Variants in ARRDC5 observed in about 807,000 individuals in gnomAD.
The protein encoded by ARRDC5 is arrestin domain containing 5, also known as arrestin domain-containing protein 5.
ARRDC5 carries 12 observed loss-of-function variants against 13.3 expected under a neutral mutation model. The ratio of observed to expected loss-of-function variants is 0.90; its 90% CI spans 0.58 to 1.46. The LOEUF (loss-of-function observed/expected upper bound fraction) is 1.46, where lower values mean the gene tolerates loss of function less well. Among genes scored for constraint, ARRDC5 ranks in the 40% most tolerant of loss-of-function variants. The pLI is 0.00. For missense variants in ARRDC5, 406 were observed against 418.7 expected, an observed-to-expected ratio of 0.97 and a Z score of 0.26; for synonymous variants, 181 against 173.4, an observed-to-expected ratio of 1.04 and a Z score of -0.34.
the ARRDC5 span, chr19:4,911,130 C>G: frequency 2.4e-6 from 3 of 1,238,560 alleles, 1 homozygote; most frequent in African/African-American, 3.1e-5. Context: ...CCCACCTCCC[C>G]CCCCAACAAC....
chr19:4,904,902 T>G (rs183429752), upstream of ARRDC5, among the ~76,000 whole-genome samples: 688 of 152,254 alleles, frequency 4.5e-3, 5 homozygotes, highest in Middle Eastern at 0.01. Context: ...GGGAGGGACA[T>G]TGAATCATAG....
At chr19:4,914,486 G>T in the ARRDC5 span, among the ~76,000 whole-genome samples, 1 of 152,202 alleles carries the variant, frequency 6.6e-6, no homozygotes, top group Non-Finnish European at 1.5e-5. Flanking sequence ...ACAGAGTTGG[G>T]TCTGTCTCGG....
At chr19:4,895,573 G>A (rs1381006256) in intron 2 of ARRDC5, among the ~76,000 whole-genome samples, 1 of 151,900 alleles carries the variant, frequency 6.6e-6, no homozygotes, top group Non-Finnish European at 1.5e-5. Context: ...CTCCCACCTC[G>A]ACTTCCGCCT....
chr19:4,916,078 G>A, the ARRDC5 span, among the ~76,000 whole-genome samples: 3 of 152,242 alleles, frequency 2.0e-5, no homozygotes, highest in African/African-American at 4.8e-5. Context: ...GGGAGGCTGA[G>A]GCGAGGATCG....
Position 4,902,789 on chromosome 19 carries a change from C to T in ARRDC5, c.37G>A (p.Glu13Lys), listed in dbSNP as rs199889286. 160 of 1,613,950 alleles carry T rather than the reference C, an allele frequency of 9.9e-5. No individual in the cohort carries two copies. In the African/African-American group the frequency reaches 1.5e-3, roughly 15 times the overall value. ...VVKSIELVLP[E>K]DRIYLAGSSI... is the part of the protein sequence containing the mutation. ...GAGCCAGCCAGGTAGATTCTATCCT[C>T]GGGCAGCACTAATTCGATCGACTTC... is the stretch of plus-strand genomic sequence containing the variant. The change falls in exon 1 of 3, where the codon GAG becomes AAG. Residue 13 changes from glutamate (E) to lysine (K), a missense_variant. Physicochemically the swap from Glu to Lys is moderately conservative, Grantham distance 56. Transcript: ENST00000650722.
chr19:4,909,995 C>G, the ARRDC5 span, among the ~76,000 whole-genome samples: 8 of 150,916 alleles, frequency 5.3e-5, no homozygotes, highest in Non-Finnish European at 8.9e-5. Context: ...TTCGCGCGCC[C>G]TGAGTTCCCC....
At chr19:4,895,034 T>C (rs2031662937) in intron 2 of ARRDC5, among the ~76,000 whole-genome samples, 1 of 152,134 alleles carries the variant, frequency 6.6e-6, no homozygotes, top group African/African-American at 2.4e-5. Flanking sequence ...CAGACAAAGC[T>C]GGTATTTCTG....
chr19:4,908,669 C>T, the ARRDC5 span, among the ~76,000 whole-genome samples: 9 of 152,186 alleles, frequency 5.9e-5, 1 homozygote, highest in South Asian at 4.1e-4. Context: ...CCTCTCTCCC[C>T]GCCTCCCACC....
the ARRDC5 span, among the ~76,000 whole-genome samples, chr19:4,907,986 A>G: frequency 3.3e-5 from 5 of 152,052 alleles, no homozygotes; most frequent in Non-Finnish European, 7.4e-5. Context: ...TGCTGGGATT[A>G]CAGGTGTGAG....
intron 1 of ARRDC5, among the ~76,000 whole-genome samples, chr19:4,900,348 C>G (rs1315072284): frequency 6.6e-5 from 10 of 151,922 alleles, no homozygotes; most frequent in Non-Finnish European, 1.0e-4. Flanking sequence ...GAACTCTTGT[C>G]CTCTGGTGAT....
intron 2 of ARRDC5, 55 bp downstream of exon 2, chr19:4,896,616 C>T (rs1003948119): frequency 1.2e-5 from 17 of 1,405,046 alleles, no homozygotes; most frequent in Non-Finnish European, 1.7e-5. Flanking sequence ...CACCTTCCCT[C>T]TTCCTCCTTG....
intron 2 of ARRDC5, among the ~76,000 whole-genome samples, chr19:4,895,443 A>AG (rs1344253958): frequency 4.6e-5 from 7 of 150,962 alleles, no homozygotes; most frequent in Middle Eastern, 3.4e-3. Context: ...AAAAAAAAAA[A>AG]AAAAGAAAGA....
At chr19:4,905,404 C>T (rs2032046234), upstream of ARRDC5, among the ~76,000 whole-genome samples, 1 of 151,670 alleles carries the variant, frequency 6.6e-6, no homozygotes, top group African/African-American at 2.4e-5. Context: ...CAGGTGTGAG[C>T]CACCACACCC....
chr19:4,907,169 G>A (rs894394078), upstream of ARRDC5, among the ~76,000 whole-genome samples: 2 of 152,176 alleles, frequency 1.3e-5, no homozygotes, highest in East Asian at 3.8e-4. Flanking sequence ...GAGTACACTG[G>A]CTCGATCTTG....
chr19:4,910,756 C>G, the ARRDC5 span: 4 of 1,250,194 alleles, frequency 3.2e-6, no homozygotes, highest in Middle Eastern at 2.0e-4. Flanking sequence ...ACTGGAAGGG[C>G]ATCCTGGGAG....
chr19:4,916,120 C>T, the ARRDC5 span, among the ~76,000 whole-genome samples: 1 of 151,944 alleles, frequency 6.6e-6, no homozygotes, highest in African/African-American at 2.4e-5. Context: ...CCAGCCTGGG[C>T]CATGTAGCAA....
chr19:4,903,054 T>A, upstream of ARRDC5: 1 of 534,152 alleles, frequency 1.9e-6, no homozygotes, highest in Non-Finnish European at 3.4e-6. Flanking sequence ...TGAGATGGAG[T>A]CTTACCCTGT....
intron 1 of ARRDC5, among the ~76,000 whole-genome samples, chr19:4,899,895 C>T (rs1417030296): frequency 6.8e-6 from 1 of 146,776 alleles, no homozygotes; most frequent in Non-Finnish European, 1.5e-5. Flanking sequence ...GCCAAGATTG[C>T]ACCACTGCAC....
chr19:4,911,422 T>C, the ARRDC5 span, among the ~76,000 whole-genome samples: 5 of 152,182 alleles, frequency 3.3e-5, no homozygotes, highest in Non-Finnish European at 4.4e-5. Context: ...GACCAGGTTT[T>C]CTTTTTTAAA....
Sources: allele counts gnomAD v4.1 joint callset (sites outside exome capture counted in the v4.1 genomes callset), GRCh38; gene constraint gnomAD v4.1.1; transcripts MANE v1.5; gene names NCBI Gene and HGNC (gene_info 2026-07-23, HGNC 2026-07-21).